MYO3A: variants seen among roughly 807,000 people sequenced by gnomAD.
MYO3A encodes myosin IIIA, also known as myosin-IIIa.
MYO3A carries 180 observed loss-of-function variants against 192.7 expected under a neutral mutation model. That is an observed-to-expected ratio of 0.93 (90% CI 0.83 to 1.06). The LOEUF (loss-of-function observed/expected upper bound fraction) is 1.06, where lower values mean the gene tolerates loss of function less well. Ranked by LOEUF, MYO3A falls within the 50% of genes least tolerant of loss-of-function variation. MYO3A has a pLI of 0.00. For missense variants in MYO3A, 1,896 were observed against 1,905.0 expected (o/e 1.00, Z 0.09); for synonymous variants, 628 against 645.3 (o/e 0.97, Z 0.41).
intron 20 of MYO3A, among the ~76,000 whole-genome samples, chr10:26,129,359 A>G (rs1300908793): frequency 6.6e-6 from 1 of 152,210 alleles, no homozygotes; most frequent in Admixed American, 6.5e-5. Context: ...CTAGTTGTTC[A>G]GCTCTTTTTC....
At chr10:26,210,133 G>A (rs868620991) in intron 34 of MYO3A, among the ~76,000 whole-genome samples, 3 of 138,358 alleles carry the variant, frequency 2.2e-5, no homozygotes, top group Non-Finnish European at 4.5e-5. Context: ...GAGGGAGGGA[G>A]GGAAGGAAGG....
intron 4 of MYO3A, among the ~76,000 whole-genome samples, chr10:25,961,719 C>T (rs1395602901): frequency 6.6e-6 from 1 of 152,080 alleles, no homozygotes; most frequent in African/African-American, 2.4e-5. Flanking sequence ...AGACTAATCA[C>T]ATATACACAT....
intron 6 of MYO3A, among the ~76,000 whole-genome samples, chr10:25,998,890 T>A (rs943474036): frequency 6.6e-6 from 1 of 151,868 alleles, no homozygotes; most frequent in Non-Finnish European, 1.5e-5. Context: ...TTTTATATAT[T>A]TTTGTTTTGT....
intron 17 of MYO3A, among the ~76,000 whole-genome samples, chr10:26,112,110 C>A (rs1053673306): frequency 6.6e-6 from 1 of 152,172 alleles, no homozygotes; most frequent in Non-Finnish European, 1.5e-5. Context: ...TAAAATGAAA[C>A]CAGTTTTGCA....
chr10:26,010,465 T>G (rs530862424), intron 6 of MYO3A, among the ~76,000 whole-genome samples: 5,591 of 150,096 alleles, frequency 0.037, 392 homozygotes, highest in African/African-American at 0.13. Context: ...TTTTTTTTTT[T>G]TTTTTTGTTT....
At chr10:26,007,044 G>T (rs1187953670) in intron 6 of MYO3A, among the ~76,000 whole-genome samples, 2 of 146,930 alleles carry the variant, frequency 1.4e-5, no homozygotes, top group South Asian at 2.1e-4. Context: ...TGATCAAGTG[G>T]GCTTCATCCC....
intron 6 of MYO3A, among the ~76,000 whole-genome samples, chr10:26,012,794 G>C (rs780506899): frequency 1.3e-5 from 2 of 151,730 alleles, no homozygotes; most frequent in African/African-American, 2.4e-5. Context: ...GCAATCCTAA[G>C]CAAAAAACAA....
Position 26,176,795 on chromosome 10 carries a change from C to T in MYO3A, c.4388C>T (p.Ser1463Leu), listed in dbSNP as rs1016218355. 7 of 1,613,926 alleles carry T rather than the reference C, an allele frequency of 4.3e-6. No individual in the cohort carries two copies. The highest frequency in any genetic ancestry group is 3.3e-5 in the South Asian group (3 of 91,078). Residue 1463 changes from serine (S) to leucine (L), a missense_variant, in exon 31 of 35, where the codon TCG becomes TTG. Transcript: ENST00000642920. The part of the protein sequence containing the change: ...QQLKSLYLGV[S>L]HHKPINRRVS... ...CTGAAGTCACTTTATCTGGGTGTCT[C>T]GCACCATAAGCCAATTAATAGACGA...
In MYO3A at chr10:26,198,197, G is replaced by A. The variant is rs115267264; in HGVS notation, c.4546-3068G>A. On this transcript the variant is annotated intron_variant, in intron 32 of 34. Coordinates refer to ENST00000642920, the MANE Select transcript of MYO3A (RefSeq NM_017433.5). Reference sequence around the variant, plus strand: ...CACTTCTTACAATGGCGATTCTAGCGGCCTTAAAATCAGTATTGCCTCTTT... The same window carrying A: ...CACTTCTTACAATGGCGATTCTAGCAGCCTTAAAATCAGTATTGCCTCTTT... Among the ~76,000 whole-genome samples the A allele has an allele frequency of 8.3e-3, 1,254 of 151,702 alleles. 13 individuals carry two copies. Among genetic ancestry groups the A allele is most frequent in the African/African-American group, 0.027 (1,094 of 41,274 alleles).
chr10:26,205,463 C>CTTTTT (rs759042803), intron 34 of MYO3A, among the ~76,000 whole-genome samples: 1 of 98,708 alleles, frequency 1.0e-5, no homozygotes, highest in Admixed American at 1.1e-4. Flanking sequence ...GTGTGCTTGT[C>CTTTTT]TTTTTTTTTT....
chr10:26,195,738 T>C (rs1589114524), intron 32 of MYO3A, among the ~76,000 whole-genome samples: 2 of 152,352 alleles, frequency 1.3e-5, no homozygotes, highest in African/African-American at 4.8e-5. Context: ...TCTTTCATGA[T>C]CAAAACACCC....
At chr10:26,041,079 G>A (rs951244198) in intron 10 of MYO3A, among the ~76,000 whole-genome samples, 1 of 151,940 alleles carries the variant, frequency 6.6e-6, no homozygotes, top group African/African-American at 2.4e-5. Flanking sequence ...TCCAGTGTCA[G>A]GTGCATATAT....
chr10:26,035,079 C>CT (rs1197255490), intron 10 of MYO3A, among the ~76,000 whole-genome samples: 2 of 152,104 alleles, frequency 1.3e-5, no homozygotes, highest in Non-Finnish European at 2.9e-5. Context: ...AAGGAATATA[C>CT]TGGTAGCTGT....
chr10:26,040,569 G>A (rs572939258), intron 10 of MYO3A, among the ~76,000 whole-genome samples: 33 of 152,212 alleles, frequency 2.2e-4, no homozygotes, highest in African/African-American at 7.9e-4. Flanking sequence ...CCAGAGAGAT[G>A]CAAAAATAAT....
chr10:26,119,748 T>C (rs1433220370), intron 17 of MYO3A, among the ~76,000 whole-genome samples: 2 of 152,136 alleles, frequency 1.3e-5, no homozygotes, highest in Non-Finnish European at 2.9e-5. Context: ...CTCCAGTGTC[T>C]CCAAAAAGAA....
chr10:26,182,605 G>T (rs1842664687), intron 31 of MYO3A, among the ~76,000 whole-genome samples: 1 of 152,070 alleles, frequency 6.6e-6, no homozygotes, highest in Non-Finnish European at 1.5e-5. Context: ...TTTTAAGTTT[G>T]GCTCTCTGGG....
At chr10:26,030,634 A>G (rs893660179) in intron 10 of MYO3A, among the ~76,000 whole-genome samples, 16 of 152,234 alleles carry the variant, frequency 1.1e-4, no homozygotes, top group African/African-American at 3.9e-4. Flanking sequence ...TGGATCAAAA[A>G]ATCTGATTGT....
At chr10:26,088,121 T>G (rs1352289481) in intron 14 of MYO3A, 82 bp from the exon 15 acceptor site, 4 of 1,103,358 alleles carry the variant, frequency 3.6e-6, no homozygotes, top group East Asian at 5.2e-5. Context: ...CTACATAAAT[T>G]GCTTACCAAA....
chr10:26,073,177 T>A (rs1287884766), intron 14 of MYO3A, among the ~76,000 whole-genome samples: 1 of 152,100 alleles, frequency 6.6e-6, no homozygotes, highest in Non-Finnish European at 1.5e-5. Context: ...TAAGCTATGA[T>A]GGCACCACCG....
Sources: gnomAD v4.1 joint callset for allele counts (sites outside exome capture counted in the v4.1 genomes callset) on GRCh38, gnomAD v4.1.1 for gene constraint, MANE v1.5 for transcripts, NCBI Gene and HGNC (gene_info 2026-07-23, HGNC 2026-07-21) for gene names.